The following KCNQ3 variants were observed in gnomAD, a reference collection of about 807,000 sequenced individuals.
KCNQ3 encodes potassium voltage-gated channel subfamily KQT member 3.
KCNQ3 carries 30 observed loss-of-function variants against 92.5 expected under a neutral mutation model. The ratio of observed to expected loss-of-function variants is 0.32; its 90% CI spans 0.24 to 0.44. KCNQ3 has a LOEUF of 0.44. KCNQ3 is among the 20% of genes least tolerant of loss of function. KCNQ3 has a pLI of 1.00. For missense variants in KCNQ3, 913 were observed against 1,140.3 expected (o/e 0.80, Z 2.87); for synonymous variants, 450 against 468.8 (o/e 0.96, Z 0.52).
intron 1 of KCNQ3, among the ~76,000 whole-genome samples, chr8:132,279,840 A>ATGTG (rs1442404331): frequency 1.4e-5 from 2 of 141,780 alleles, no homozygotes; most frequent in Admixed American, 7.5e-5. Flanking sequence ...ATGTGCGTGT[A>ATGTG]TGTGTATATA....
intron 1 of KCNQ3, among the ~76,000 whole-genome samples, chr8:132,329,973 G>A (rs1381506081): frequency 6.6e-6 from 1 of 152,172 alleles, no homozygotes; most frequent in Non-Finnish European, 1.5e-5. Flanking sequence ...CTACACCCTG[G>A]AGCCTGTGAA....
chr8:132,140,215 G>T, intron 10 of KCNQ3, 37 bp from the exon 11 acceptor site: 2 of 1,529,428 alleles, frequency 1.3e-6, no homozygotes, highest in South Asian at 1.1e-5. Context: ...GCAGGCCACA[G>T]ACCTGGAAAA....
intron 1 of KCNQ3, among the ~76,000 whole-genome samples, chr8:132,364,690 C>CGGAT (rs879016668): frequency 0.17 from 25,435 of 147,090 alleles, 2,595 homozygotes; most frequent in East Asian, 0.4. Context: ...GACGGACGGA[C>CGGAT]GGACGGATGG....
At chr8:132,193,795 G>C (rs1827229142) in intron 1 of KCNQ3, among the ~76,000 whole-genome samples, 1 of 152,204 alleles carries the variant, frequency 6.6e-6, no homozygotes, top group African/African-American at 2.4e-5. Flanking sequence ...GCTCAGGCAG[G>C]AGGGACACAA....
At chr8:132,414,047 C>T (rs901976334) in intron 1 of KCNQ3, among the ~76,000 whole-genome samples, 29 of 152,322 alleles carry the variant, frequency 1.9e-4, no homozygotes, top group African/African-American at 6.5e-4. Flanking sequence ...AATTGCAGGG[C>T]TCAGGCCCCA....
chr8:132,442,063 T>A (rs760465853), intron 1 of KCNQ3, among the ~76,000 whole-genome samples: 1 of 152,130 alleles, frequency 6.6e-6, no homozygotes, highest in Non-Finnish European at 1.5e-5. Context: ...CAGCATACAC[T>A]GCGGTCTTTC....
chr8:132,257,568 AC>A (rs1194858913), intron 1 of KCNQ3, among the ~76,000 whole-genome samples: 5 of 151,908 alleles, frequency 3.3e-5, no homozygotes, highest in Non-Finnish European at 5.9e-5. Flanking sequence ...ACATGGTGAA[AC>A]CCCATCTCTA....
At chr8:132,173,070 G>T (rs546086197) in intron 6 of KCNQ3, among the ~76,000 whole-genome samples, 40 of 152,336 alleles carry the variant, frequency 2.6e-4, no homozygotes, top group African/African-American at 8.9e-4. Flanking sequence ...CCAGTAAGGG[G>T]TACTGCACAA....
At chr8:132,442,372 G>A (rs888374568) in intron 1 of KCNQ3, among the ~76,000 whole-genome samples, 8 of 152,068 alleles carry the variant, frequency 5.3e-5, no homozygotes, top group Admixed American at 5.2e-4. Context: ...CTTAGCAAGG[G>A]GGTAATTTGA....
chr8:132,203,385 G>A (rs1366977290), intron 1 of KCNQ3, among the ~76,000 whole-genome samples: 1 of 152,114 alleles, frequency 6.6e-6, no homozygotes, highest in Non-Finnish European at 1.5e-5. Context: ...TCCCTGAACT[G>A]GACACATCAG....
intron 1 of KCNQ3, among the ~76,000 whole-genome samples, chr8:132,445,468 A>G (rs1587027540): frequency 6.6e-6 from 1 of 152,232 alleles, no homozygotes; most frequent in African/African-American, 2.4e-5. Flanking sequence ...CCCATCCCCA[A>G]CATAAATATT....
chr8:132,191,321 AT>A (rs1437254097), intron 1 of KCNQ3, among the ~76,000 whole-genome samples: 1 of 151,984 alleles, frequency 6.6e-6, no homozygotes, highest in East Asian at 1.9e-4. Context: ...ACCACCACTC[AT>A]GGTTAATTTT....
chr8:132,345,268 AT>A (rs1818652098), intron 1 of KCNQ3, among the ~76,000 whole-genome samples: 1 of 152,224 alleles, frequency 6.6e-6, no homozygotes, highest in Admixed American at 6.5e-5. Context: ...ACCCACACCC[AT>A]CCTGCCTTCC....
chr8:132,478,628 AG>A (rs1410087543), intron 1 of KCNQ3, among the ~76,000 whole-genome samples: 4 of 128,142 alleles, frequency 3.1e-5, no homozygotes, highest in Non-Finnish European at 6.4e-5. Context: ...ACCTGCAAAT[AG>A]ACACACACAC....
At chr8:132,139,249 A>G (rs1825208523) in intron 11 of KCNQ3, among the ~76,000 whole-genome samples, 1 of 152,254 alleles carries the variant, frequency 6.6e-6, no homozygotes. Flanking sequence ...ATCACCCTCC[A>G]GGTCAACACA....
At chr8:132,257,878 T>C (rs1458143326) in intron 1 of KCNQ3, among the ~76,000 whole-genome samples, 4 of 151,624 alleles carry the variant, frequency 2.6e-5, no homozygotes, top group African/African-American at 9.7e-5. Context: ...GCCATAATAA[T>C]ATCAAACAAA....
At chr8:132,186,659 GACCAAGTATGAATATTGTC>G (rs1826965679) in intron 1 of KCNQ3, 6 of 298,704 alleles carry the variant, frequency 2.0e-5, no homozygotes, top group Admixed American at 1.5e-4. Context: ...AGGCTTCTGT[GACCAAGTATGAATATTGTC>G]ACCAAGTATG....
chr8:132,338,178 C>A (rs941433131), intron 1 of KCNQ3, among the ~76,000 whole-genome samples: 2 of 152,148 alleles, frequency 1.3e-5, no homozygotes, highest in African/African-American at 4.8e-5. Flanking sequence ...CTCACAATGG[C>A]CCTGTGAGAG....
At chr8:132,388,162 T>C (rs1228291992) in intron 1 of KCNQ3, among the ~76,000 whole-genome samples, 20 of 152,206 alleles carry the variant, frequency 1.3e-4, no homozygotes, top group Non-Finnish European at 2.4e-4. Context: ...GACTTTTTTT[T>C]CCATCAAATG....
Sources: allele counts gnomAD v4.1 joint callset (sites outside exome capture counted in the v4.1 genomes callset), GRCh38; gene constraint gnomAD v4.1.1; transcripts MANE v1.5; gene names NCBI Gene and HGNC (gene_info 2026-07-23, HGNC 2026-07-21).